The following CCDC102B variants were observed in gnomAD, a reference collection of about 807,000 sequenced individuals.
The protein encoded by CCDC102B is coiled-coil domain-containing protein 102B.
A neutral mutation model predicts 57.4 loss-of-function variants in CCDC102B; 75 were observed. That is an observed-to-expected ratio of 1.31 (90% CI 1.08 to 1.58). The LOEUF (loss-of-function observed/expected upper bound fraction) is 1.58, where lower values mean the gene tolerates loss of function less well. CCDC102B is among the 40% of genes most tolerant of loss of function. The pLI is 0.00. For synonymous variants in CCDC102B, 206 were observed against 201.9 expected (o/e 1.02, Z -0.17); for missense variants, 636 against 582.6 (o/e 1.09, Z -0.94).
At chr18:68,723,660 G>A (rs2032460684) in intron 2 of CCDC102B, among the ~76,000 whole-genome samples, 1 of 152,188 alleles carries the variant, frequency 6.6e-6, no homozygotes, top group Non-Finnish European at 1.5e-5. Context: ...TACATCCAGG[G>A]CACACTGATG....
In CCDC102B at chr18:68,923,240, G is replaced by T. The variant is rs950585668; in HGVS notation, c.1263+25812G>T. On this transcript the variant is annotated intron_variant, in intron 6 of 7. Coordinates refer to ENST00000360242, the MANE Select transcript of CCDC102B (RefSeq NM_024781.3). ...ATTTAGCAATTTATGTAACTCCCAAGAAAATTTTTCCAGGCACAAATATAG... is the reference window on the plus strand; with the variant it reads ...ATTTAGCAATTTATGTAACTCCCAATAAAATTTTTCCAGGCACAAATATAG... Among the ~76,000 whole-genome samples the T allele has an allele frequency of 6.5e-4, 99 of 151,348 alleles. 2 individuals carry two copies. Among genetic ancestry groups the T allele is most frequent in the African/African-American group, 2.3e-3 (96 of 41,334 alleles).
intron 2 of CCDC102B, among the ~76,000 whole-genome samples, chr18:68,743,777 C>A (rs1489231845): frequency 2.0e-5 from 3 of 152,132 alleles, no homozygotes; most frequent in African/African-American, 4.8e-5. Flanking sequence ...TGAGTGATTG[C>A]CTAGCTTGCA....
chr18:68,938,262 A>G lies in CCDC102B; in HGVS notation c.1263+40834A>G, dbSNP rs1468431294. ...TGTATCAGATTTCAGAATGAATATT[A>G]AACTTCTAAGAGAACATATGATTAT... On this transcript the variant is annotated intron_variant, in intron 6 of 7. Coordinates refer to ENST00000360242, the MANE Select transcript of CCDC102B (RefSeq NM_024781.3). Among the ~76,000 whole-genome samples the G allele has an allele frequency of 1.3e-5, 2 of 152,112 alleles. 1 individual carries two copies. The highest frequency in any genetic ancestry group is 1.3e-4 in the Admixed American group (2 of 15,236).
intron 1 of CCDC102B, among the ~76,000 whole-genome samples, chr18:68,816,756 A>T (rs946101033): frequency 3.3e-5 from 5 of 152,038 alleles, no homozygotes; most frequent in African/African-American, 1.2e-4. Context: ...GAGGCACTGC[A>T]CCCAGCCTCC....
chr18:68,903,738 A>C (rs1482641246), intron 6 of CCDC102B, among the ~76,000 whole-genome samples: 1 of 152,172 alleles, frequency 6.6e-6, no homozygotes, highest in Non-Finnish European at 1.5e-5. Flanking sequence ...GTGTTTTGGA[A>C]GCTTGTTTAC....
At chr18:69,038,812 G>T (rs1446586566) in intron 7 of CCDC102B, among the ~76,000 whole-genome samples, 1 of 151,856 alleles carries the variant, frequency 6.6e-6, no homozygotes, top group African/African-American at 2.4e-5. Context: ...TAACAAATAT[G>T]CATTAAAGGC....
intron 6 of CCDC102B, among the ~76,000 whole-genome samples, chr18:68,917,694 A>G (rs1246178346): frequency 6.6e-6 from 1 of 152,148 alleles, no homozygotes; most frequent in East Asian, 1.9e-4. Context: ...CCAGTTATCA[A>G]TCCCCAATAT....
At chr18:68,717,266 A>G (rs2032077535) in intron 2 of CCDC102B, among the ~76,000 whole-genome samples, 1 of 152,152 alleles carries the variant, frequency 6.6e-6, no homozygotes, top group Non-Finnish European at 1.5e-5. Flanking sequence ...CCAATTAAGT[A>G]TTTCTGATGA....
chr18:68,889,339 C>A lies in CCDC102B; in HGVS notation c.1054-7880C>A, dbSNP rs139295223. 9.3e-3 allele frequency among the ~76,000 whole-genome samples: 1,421 copies of A among 152,304 alleles called. 8 individuals carry two copies. Among genetic ancestry groups the A allele is most frequent in the Admixed American group, 0.018 (275 of 15,294 alleles). On this transcript the variant is annotated intron_variant, in intron 5 of 7. Coordinates refer to ENST00000360242, the MANE Select transcript of CCDC102B (RefSeq NM_024781.3). ...ATACATCTGTGAGTCAGAAATTAGA[C>A]CTCTACTTGAGGCTAAATTTGCCAG...
intron 1 of CCDC102B, among the ~76,000 whole-genome samples, chr18:68,833,414 C>A (rs1304133147): frequency 7.5e-6 from 1 of 133,666 alleles, no homozygotes; most frequent in Non-Finnish European, 1.6e-5. Context: ...TACACCATTT[C>A]TCTTTCAAGA....
chr18:68,874,183 T>A (rs949152855), intron 4 of CCDC102B, among the ~76,000 whole-genome samples: 16 of 125,110 alleles, frequency 1.3e-4, no homozygotes, highest in Non-Finnish European at 2.4e-4. Context: ...TGTGTGTGTG[T>A]GTGTGTGTGT....
At chr18:68,745,454 A>C (rs920258957) in intron 2 of CCDC102B, among the ~76,000 whole-genome samples, 2 of 9,248 alleles carry the variant, frequency 2.2e-4, no homozygotes, top group Non-Finnish European at 9.1e-4. Context: ...TCATTTAAAA[A>C]ATTAATTTTT....
chr18:68,856,921 C>T (rs1002762755), intron 4 of CCDC102B, among the ~76,000 whole-genome samples: 1 of 147,254 alleles, frequency 6.8e-6, no homozygotes. Context: ...CATTTATACT[C>T]ACACTTATAC....
intron 7 of CCDC102B, among the ~76,000 whole-genome samples, chr18:69,031,299 G>A (rs930445140): frequency 6.6e-6 from 1 of 152,086 alleles, no homozygotes; most frequent in East Asian, 1.9e-4. Context: ...CAAATATAAT[G>A]TGCTCCCTTT....
intron 7 of CCDC102B, among the ~76,000 whole-genome samples, chr18:69,036,953 A>G (rs2052308820): frequency 2.6e-5 from 4 of 152,002 alleles, no homozygotes; most frequent in Admixed American, 2.6e-4. Flanking sequence ...GATATATGAC[A>G]GTGCACTGCA....
chr18:69,004,407 C>A (rs1023137494), intron 6 of CCDC102B, among the ~76,000 whole-genome samples: 2 of 152,084 alleles, frequency 1.3e-5, no homozygotes, highest in African/African-American at 2.4e-5. Flanking sequence ...GGAACAAGTC[C>A]TTTATACTTC....
At chr18:68,715,259 C>T (rs2145169761) in exon 1 of CCDC102B, 5 of 1,322,216 alleles carry the variant, frequency 3.8e-6, no homozygotes, top group East Asian at 3.4e-5. Flanking sequence ...CGCCCAGGAG[C>T]GTGGGAACCC....
chr18:68,750,209 C>G (rs888391101), intron 2 of CCDC102B, among the ~76,000 whole-genome samples: 1 of 152,110 alleles, frequency 6.6e-6, no homozygotes, highest in African/African-American at 2.4e-5. Context: ...TCATCACTAG[C>G]CATCAGAGAA....
chr18:68,741,714 C>CACACACACACA (rs2033400771), intron 2 of CCDC102B, among the ~76,000 whole-genome samples: 1 of 105,646 alleles, frequency 9.5e-6, no homozygotes, highest in African/African-American at 4.2e-5. Flanking sequence ...CACACACACA[C>CACACACACACA]CCCAAGACAA....
Sources: allele counts gnomAD v4.1 joint callset (sites outside exome capture counted in the v4.1 genomes callset), GRCh38; gene constraint gnomAD v4.1.1; transcripts MANE v1.5; gene names NCBI Gene and HGNC (gene_info 2026-07-23, HGNC 2026-07-21).